Variants in HERC1 observed in about 807,000 individuals in gnomAD.
The protein encoded by HERC1 is probable E3 ubiquitin-protein ligase HERC1.
In HERC1, 160 loss-of-function variants were observed where a neutral mutation model predicts 554.3. The observed-to-expected ratio is 0.29, with a 90% confidence interval of 0.25 to 0.33. HERC1 has a LOEUF of 0.33. Ranked by LOEUF, HERC1 falls within the 10% of genes least tolerant of loss-of-function variation. The pLI, the probability that HERC1 is intolerant of heterozygous loss-of-function variation, is 1.00. For missense variants in HERC1, 4,919 were observed against 5,918.5 expected, an observed-to-expected ratio of 0.83 and a Z score of 5.54; for synonymous variants, 2,175 against 2,131.7, an observed-to-expected ratio of 1.02 and a Z score of -0.56.
In HERC1 at chr15:63,634,106, C is replaced by T. The variant is rs1021478128; in HGVS notation, c.12571-136G>A. The stretch of plus-strand genomic sequence containing the variant: ...ATATCTACAATGGTTTCAGAGCATA[C>T]TACAAATGTTAACCAAAGTAAGTCA... On this transcript the variant is annotated intron_variant, in intron 66 of 77. Coordinates refer to ENST00000443617, the MANE Select transcript of HERC1 (RefSeq NM_003922.4). The T allele has an allele frequency of 7.8e-6, 7 of 901,816 alleles. No individual in the cohort carries two copies. The East Asian group carries it at 1.3e-4, about 17-fold the overall frequency. The allele number at this position is 901,816 out of a possible 1,614,324, so 55.9% of individuals were successfully genotyped here. A position where few individuals can be genotyped will look rare whatever the true frequency, so the allele number is the denominator to read the frequency against.
chr15:63,638,916 T>C (rs1566962321), intron 61 of HERC1, 140 bp from the exon 62 acceptor site: 3 of 685,726 alleles, frequency 4.4e-6, no homozygotes, highest in Middle Eastern at 2.5e-4. Context: ...AGAGCAGTTT[T>C]ATAATTATGT....
chr15:63,643,614 C>T, intron 57 of HERC1, 64 bp from the exon 58 acceptor site: 2 of 1,245,242 alleles, frequency 1.6e-6, no homozygotes, highest in Non-Finnish European at 2.2e-6. Flanking sequence ...CAAGATTTAT[C>T]ATTCACTCTT....
Position 63,608,823 on chromosome 15 carries a change from A to G in HERC1, c.*258T>C. 3.1e-6 allele frequency: 1 copy of G among 317,712 alleles called. No homozygotes were observed. Among genetic ancestry groups the G allele is most frequent in the South Asian group, 6.4e-5 (1 of 15,660 alleles). 19.7% of individuals were successfully genotyped at this position (317,712 alleles called of 1,614,324 possible). On this transcript the variant is annotated 3_prime_UTR_variant, in exon 78 of 78. Coordinates refer to ENST00000443617, the MANE Select transcript of HERC1 (RefSeq NM_003922.4). ...AAATGCACCAAAATGGTTTCATGCAAACTTATCAAAAGTGACCAAAAATAT... is the reference window on the plus strand; with the variant it reads ...AAATGCACCAAAATGGTTTCATGCAGACTTATCAAAAGTGACCAAAAATAT...
Position 63,654,101 on chromosome 15 carries a change from T to G in HERC1, c.10290+18A>C. ...CTTACATAACGTGATTAACACACTT[T>G]CCACTCAAAATACTTACTCTGTTCT... is the stretch of plus-strand genomic sequence containing the variant. On this transcript the variant is annotated intron_variant, in intron 51 of 77. Coordinates refer to ENST00000443617, the MANE Select transcript of HERC1 (RefSeq NM_003922.4). 6.3e-7 allele frequency: 1 copy of G among 1,585,858 alleles called. No homozygotes were observed. Among genetic ancestry groups the G allele is most frequent in the Non-Finnish European group, 8.7e-7 (1 of 1,154,890 alleles).
In HERC1 at chr15:63,775,029, C is replaced by A; in HGVS notation, c.595G>T (p.Val199Phe). 6.2e-7 allele frequency: 1 copy of A among 1,614,028 alleles called. No individual in the cohort carries two copies. Among genetic ancestry groups the A allele is most frequent in the Non-Finnish European group, 8.5e-7 (1 of 1,179,868 alleles). ...CNDVIHTAIEVVSSLPPLSLA... is the reference protein window; with the variant it reads ...CNDVIHTAIEFVSSLPPLSLA... ...GATAATGGTGGCAAAGAGCTCACAA[C>A]TTCAATTGCAGTATGAATGACATCG... is the stretch of plus-strand genomic sequence containing the variant. Residue 199 changes from valine (V) to phenylalanine (F), a missense_variant, in exon 2 of 78, where the codon GTT becomes TTT. Physicochemically the swap from Val to Phe is conservative, Grantham distance 50. Coordinates refer to ENST00000443617, the MANE Select transcript of HERC1 (RefSeq NM_003922.4). This position sits in a 1 kb window ranked among gnomAD's most constrained non-coding sequence, Gnocchi z 4.0.
At chr15:63,695,488 C>T (rs570247321) in intron 27 of HERC1, among the ~76,000 whole-genome samples, 4 of 149,482 alleles carry the variant, frequency 2.7e-5, no homozygotes, top group East Asian at 3.9e-4. Context: ...CGGGTTCAAG[C>T]GATTCTCCCT....
chr15:63,646,213 A>G (rs1449628099), intron 55 of HERC1, among the ~76,000 whole-genome samples: 1 of 152,116 alleles, frequency 6.6e-6, no homozygotes, highest in Non-Finnish European at 1.5e-5. Context: ...ACTTGCCTAG[A>G]TGGTCCTGTA....
At position 63,817,057 on chromosome 15, in the gene HERC1, T is replaced by C. The variant is rs984825439; in HGVS notation, c.-27+16770A>G. Among the ~76,000 whole-genome samples, 3 of 152,112 alleles carry C rather than the reference T, an allele frequency of 2.0e-5. 1 individual carries two copies. The highest frequency in any genetic ancestry group is 7.2e-5 in the African/African-American group (3 of 41,416). On this transcript the variant is annotated intron_variant, in intron 1 of 77. Transcript: ENST00000443617. Reference sequence around the variant, plus strand: ...AACATGTTAACTGACATTACAGAGATGCAATGAGACTAAGGGAAACTTATC... The same window carrying C: ...AACATGTTAACTGACATTACAGAGACGCAATGAGACTAAGGGAAACTTATC...
chr15:63,810,049 GTCATTA>G (rs1419661694), intron 1 of HERC1, among the ~76,000 whole-genome samples: 1 of 151,948 alleles, frequency 6.6e-6, no homozygotes, highest in Non-Finnish European at 1.5e-5. Context: ...ATTCAAGGCA[GTCATTA>G]AAATGAATGA....
At chr15:63,806,873 A>G (rs761614665) in intron 1 of HERC1, among the ~76,000 whole-genome samples, 7 of 152,168 alleles carry the variant, frequency 4.6e-5, no homozygotes, top group Admixed American at 3.9e-4. Context: ...TCAGCCTCCC[A>G]AACAGCTGGG....
Position 63,725,516 on chromosome 15 carries a change from A to AGG in HERC1, c.3347-4_3347-3insCC. On this transcript the variant is annotated splice_region_variant and splice_polypyrimidine_tract_variant and intron_variant, in intron 17 of 77. Transcript: ENST00000443617. The stretch of plus-strand genomic sequence containing the variant: ...AGGATCAATTAGTTCTGGCCCTCCT[A>AGG]AAGACAAAATCATTAGTTATTGTGT... The AGG allele has an allele frequency of 6.2e-7, 1 of 1,612,094 alleles. No homozygotes were observed. Among genetic ancestry groups the AGG allele is most frequent in the Non-Finnish European group, 8.5e-7 (1 of 1,178,460 alleles).
At chr15:63,752,409 G>T in intron 8 of HERC1, 1 of 152,210 alleles carries the variant, frequency 6.6e-6, no homozygotes, top group Admixed American at 6.5e-5. Flanking sequence ...AACAAATAGG[G>T]TAAGAGTGAA....
At position 63,643,478 on chromosome 15, in the gene HERC1, C is replaced by T. The variant is rs1194458871; in HGVS notation, c.11257G>A (p.Val3753Ile). 5 of 1,612,362 alleles carry T rather than the reference C, an allele frequency of 3.1e-6. No individual in the cohort carries two copies. The Admixed American group carries it at 8.4e-5, about 27-fold the overall frequency. Residue 3753 changes from valine (V) to isoleucine (I), a missense_variant, in exon 58 of 78, where the codon GTT becomes ATT. Val to Ile is a conservative substitution (Grantham distance 29). Transcript: ENST00000443617. ...LRGHITPVRTVAFSSDGLALV... is the reference protein window; with the variant it reads ...LRGHITPVRTIAFSSDGLALV... ...GCCAACCCATCAGAACTAAAGGCAA[C>T]AGTCCGAACAGGAGTGATGTGTCCC... is the stretch of plus-strand genomic sequence containing the variant.
rs972156564 is a variant in HERC1 at position 63,758,509 on chromosome 15, T to G, written c.1027-140A>C. ...AAAGAACCTATTAAATAAAGATAAC[T>G]AGACTATTTACTCATATGGAATAAA... On this transcript the variant is annotated intron_variant, in intron 3 of 77. Transcript: ENST00000443617. The surrounding 1 kb of genome is among the most constrained non-coding windows in gnomAD (Gnocchi z 4.0). The G allele has an allele frequency of 1.7e-6, 1 of 589,212 alleles. No homozygotes were observed. Among genetic ancestry groups the G allele is most frequent in the Non-Finnish European group, 2.9e-6 (1 of 348,820 alleles). The allele number at this position is 589,212 out of a possible 1,614,324, so 36.5% of individuals were successfully genotyped here.
rs1216095729 is a variant in HERC1, at chr15:63,675,095, T to C, written c.7093A>G (p.Ser2365Gly). 2 of 1,588,414 alleles carry C rather than the reference T, an allele frequency of 1.3e-6. No homozygotes were observed. Among genetic ancestry groups the C allele is most frequent in the Non-Finnish European group, 8.6e-7 (1 of 1,165,558 alleles). The change falls in exon 38 of 78, where the codon AGT (serine) becomes GGT (glycine). Residue 2365 changes from serine to glycine, a missense_variant. By Grantham distance (56) the Ser-to-Gly change is moderately conservative. Transcript: ENST00000443617. ...TCCAGATTATACAATGGAGTATCACTAGGCGACCAAAAAGTTGGGAAGCTT... is the reference window on the plus strand; with the variant it reads ...TCCAGATTATACAATGGAGTATCACCAGGCGACCAAAAAGTTGGGAAGCTT... ...TISFPTFWSP[S>G]DTPLYNLEPC...
intron 22 of HERC1, among the ~76,000 whole-genome samples, chr15:63,715,808 G>A (rs1392299859): frequency 3.9e-5 from 6 of 152,224 alleles, no homozygotes; most frequent in Non-Finnish European, 8.8e-5. Context: ...TATGCACCCA[G>A]TCAATAGCAG....
chr15:63,677,699 A>G lies in HERC1; in HGVS notation c.7070+146T>C, dbSNP rs1311514765. On this transcript the variant is annotated intron_variant, in intron 37 of 77. Transcript: ENST00000443617. This position sits in a 1 kb window ranked among gnomAD's most constrained non-coding sequence, Gnocchi z 4.4. ...AGGAAATTCTCCTTTAAGAAATTAC[A>G]GTAGAAACATCTAGCTGCATGAGAA... The G allele has an allele frequency of 2.2e-6, 3 of 1,345,780 alleles. No homozygotes were observed. The East Asian group carries it at 7.1e-5, about 32-fold the overall frequency. The allele number at this position is 1,345,780 out of a possible 1,614,324, so 83.4% of individuals were successfully genotyped here. A position where few individuals can be genotyped will look rare whatever the true frequency, so the allele number is the denominator to read the frequency against.
At position 63,729,425 on chromosome 15, in the gene HERC1, A is replaced by G. The variant is rs187591751; in HGVS notation, c.3022-57T>C. 2.5e-6 allele frequency: 4 copies of G among 1,595,504 alleles called. No individual in the cohort carries two copies. The African/African-American group carries it at 5.4e-5, about 22-fold the overall frequency. ...TTTGAAAGATTCAAGGTGTAAAAAT[A>G]TCATGGCCTATCCAAATATCTGAGT... is the stretch of plus-strand genomic sequence containing the variant. On this transcript the variant is annotated intron_variant, in intron 15 of 77. Transcript: ENST00000443617.
At chr15:63,709,435 T>C (rs1442884738) in intron 24 of HERC1, among the ~76,000 whole-genome samples, 3 of 152,236 alleles carry the variant, frequency 2.0e-5, no homozygotes, top group Admixed American at 6.5e-5. Flanking sequence ...CATTGATCTG[T>C]TGTCCCCATT....
Sources: allele counts gnomAD v4.1 joint callset (sites outside exome capture counted in the v4.1 genomes callset), GRCh38; gene constraint gnomAD v4.1.1; non-coding constraint Gnocchi (gnomAD v3.1); transcripts MANE v1.5; gene names NCBI Gene and HGNC (gene_info 2026-07-23, HGNC 2026-07-21).